USP49: variants seen among roughly 807,000 people sequenced by gnomAD.
USP49 encodes the protein ubiquitin specific peptidase 49.
In USP49, 24 loss-of-function variants were observed where a neutral mutation model predicts 58.6. That is an observed-to-expected ratio of 0.41 (90% CI 0.30 to 0.58). USP49 has a LOEUF of 0.58. USP49 is among the 20% of genes least tolerant of loss of function. USP49 has a pLI of 0.30. For missense variants in USP49, 703 were observed against 866.1 expected (o/e 0.81, Z 2.36); for synonymous variants, 408 against 365.1 (o/e 1.12, Z -1.34).
intron 3 of USP49, among the ~76,000 whole-genome samples, chr6:41,851,847 C>G (rs182971556): frequency 1.3e-4 from 19 of 144,840 alleles, no homozygotes; most frequent in African/African-American, 4.9e-4. Context: ...CCCAGCCACT[C>G]GGGAGGCTGA....
At chr6:41,870,159 T>C (rs1774389494) in intron 3 of USP49, among the ~76,000 whole-genome samples, 1 of 152,222 alleles carries the variant, frequency 6.6e-6, no homozygotes, top group African/African-American at 2.4e-5. Context: ...TAGTTAACAT[T>C]TACTAAACAC....
At chr6:41,891,077 T>C (rs1212525085) in intron 2 of USP49, among the ~76,000 whole-genome samples, 1 of 152,198 alleles carries the variant, frequency 6.6e-6, no homozygotes, top group Non-Finnish European at 1.5e-5. Flanking sequence ...AGAAAGGAAC[T>C]GGATAAAAGG....
intron 3 of USP49, among the ~76,000 whole-genome samples, 196 bp from the exon 4 acceptor site, chr6:41,807,207 G>C (rs937582914): frequency 6.6e-6 from 1 of 152,050 alleles, no homozygotes; most frequent in Non-Finnish European, 1.5e-5. Flanking sequence ...AGAGTTACAG[G>C]ACAGTTAAAT....
Position 41,793,243 on chromosome 6 carries a change from CTT to C in USP49, c.*3288_*3289del, listed in dbSNP as rs945007745. On this transcript the variant is annotated 3_prime_UTR_variant, in exon 8 of 8. Transcript: ENST00000682992. Reference sequence around the variant, plus strand: ...ACATTTTAAGAGACATCTGGAAATTCTTTTTTTTTTTTTGTTTTTGTTTTTGT... The same window carrying C: ...ACATTTTAAGAGACATCTGGAAATTCTTTTTTTTTTTGTTTTTGTTTTTGT... 4 of 151,626 alleles carry C rather than the reference CTT, an allele frequency of 2.6e-5. No individual in the cohort carries two copies. The highest frequency in any genetic ancestry group is 2.9e-5 in the Non-Finnish European group (2 of 69,276). The allele number at this position is 151,626 out of a possible 1,614,324, so 9.4% of individuals were successfully genotyped here.
intron 2 of USP49, among the ~76,000 whole-genome samples, chr6:41,878,836 C>A (rs1774553475): frequency 6.6e-6 from 1 of 152,112 alleles, no homozygotes; most frequent in Non-Finnish European, 1.5e-5. Flanking sequence ...TGGGTATCAG[C>A]AGGATTTTAC....
chr6:41,858,872 T>C (rs960109490), intron 3 of USP49, among the ~76,000 whole-genome samples: 2 of 152,222 alleles, frequency 1.3e-5, no homozygotes, highest in South Asian at 2.1e-4. Flanking sequence ...TTTACTTATG[T>C]ATAGTCATTC....
At chr6:41,873,700 A>G in intron 2 of USP49, among the ~76,000 whole-genome samples, 1 of 152,344 alleles carries the variant, frequency 6.6e-6, no homozygotes, top group South Asian at 2.1e-4. Context: ...TGTAATAATC[A>G]GTCCTACACT....
In USP49 at chr6:41,867,612, A is replaced by G. The variant is rs975217520; in HGVS notation, c.-29+3952T>C. Among the ~76,000 whole-genome samples the G allele has an allele frequency of 5.6e-5, 8 of 143,328 alleles. No homozygotes were observed. In the East Asian group the frequency reaches 1.7e-3, roughly 30 times the overall value. The allele number at this position is 143,328 out of a possible 152,430, so 94.0% of individuals were successfully genotyped here. A position where few individuals can be genotyped will look rare whatever the true frequency, so the allele number is the denominator to read the frequency against. On this transcript the variant is annotated intron_variant, in intron 3 of 7. Transcript: ENST00000682992. ...CAAAAAAAAAAAAAAAAAAGCTAGGAGTGGTGGCGAGCGCCTGTAGTCCTA... is the reference window on the plus strand; with the variant it reads ...CAAAAAAAAAAAAAAAAAAGCTAGGGGTGGTGGCGAGCGCCTGTAGTCCTA...
intron 3 of USP49, among the ~76,000 whole-genome samples, chr6:41,835,236 G>A (rs1428291037): frequency 6.6e-6 from 1 of 152,136 alleles, no homozygotes; most frequent in Non-Finnish European, 1.5e-5. Flanking sequence ...GATGACAAAC[G>A]CACATTTAGC....
chr6:41,798,942 T>C lies in USP49; in HGVS notation c.1671-13A>G, dbSNP rs755593403. 1.1e-5 allele frequency: 18 copies of C among 1,610,554 alleles called. No individual in the cohort carries two copies. Among genetic ancestry groups the C allele is most frequent in the African/African-American group, 1.3e-5 (1 of 74,580 alleles). On this transcript the variant is annotated splice_polypyrimidine_tract_variant and intron_variant, in intron 6 of 7. Coordinates refer to ENST00000682992, the MANE Select transcript of USP49 (RefSeq NM_001286554.2). ...ACGGCCAGACCACCTAGAACATGGA[T>C]ATAAGCTTGTTACTAGTAAAAACTG...
chr6:41,893,741 A>G (rs1002629882), intron 1 of USP49, among the ~76,000 whole-genome samples: 1 of 152,210 alleles, frequency 6.6e-6, no homozygotes, highest in Non-Finnish European at 1.5e-5. Context: ...AATCAAAAGC[A>G]ATGAAGGGTG....
intron 3 of USP49, among the ~76,000 whole-genome samples, chr6:41,829,369 C>T (rs1398964272): frequency 2.6e-5 from 4 of 151,578 alleles, no homozygotes; most frequent in African/African-American, 9.7e-5. Context: ...GGCTGGAGTG[C>T]AATGGCACGA....
intron 3 of USP49, among the ~76,000 whole-genome samples, chr6:41,813,258 T>G (rs1169708894): frequency 6.6e-6 from 1 of 152,180 alleles, no homozygotes; most frequent in Non-Finnish European, 1.5e-5. Flanking sequence ...AATAGCCTCC[T>G]CTTACAACTC....
At chr6:41,876,424 T>C (rs1022374313) in intron 2 of USP49, among the ~76,000 whole-genome samples, 1 of 152,220 alleles carries the variant, frequency 6.6e-6, no homozygotes, top group Non-Finnish European at 1.5e-5. Flanking sequence ...GAACTTTTTT[T>C]TTTTTAAATT....
chr6:41,790,082 A>G lies in USP49; in HGVS notation c.*6451T>C, dbSNP rs1295208219. ...AAAAAAAAAAAAGGAAGCTGTAACC[A>G]TACATTGATGTTAACCTAGCATGAA... On this transcript the variant is annotated 3_prime_UTR_variant, in exon 8 of 8. Coordinates refer to ENST00000682992, the MANE Select transcript of USP49 (RefSeq NM_001286554.2). 7 of 152,186 alleles carry G rather than the reference A, an allele frequency of 4.6e-5. No individual in the cohort carries two copies. The highest frequency in any genetic ancestry group is 1.0e-4 in the Non-Finnish European group (7 of 68,014). 9.4% of individuals were successfully genotyped at this position (152,186 alleles called of 1,614,324 possible). A position where few individuals can be genotyped will look rare whatever the true frequency, so the allele number is the denominator to read the frequency against.
chr6:41,872,728 C>A (rs1774433574), intron 2 of USP49, among the ~76,000 whole-genome samples: 2 of 144,008 alleles, frequency 1.4e-5, no homozygotes, highest in African/African-American at 5.1e-5. Flanking sequence ...GAAACCCCAT[C>A]TCTACTAAAA....
At chr6:41,844,970 G>A (rs867876990) in intron 3 of USP49, among the ~76,000 whole-genome samples, 28 of 151,766 alleles carry the variant, frequency 1.8e-4, no homozygotes, top group African/African-American at 5.6e-4. Flanking sequence ...GCACAATCTC[G>A]GCTCACTGCA....
At chr6:41,862,676 C>T (rs190531235) in intron 3 of USP49, among the ~76,000 whole-genome samples, 17 of 152,288 alleles carry the variant, frequency 1.1e-4, no homozygotes, top group African/African-American at 3.8e-4. Flanking sequence ...ATGTTTACAG[C>T]ACATTCAGAC....
At chr6:41,812,089 T>C (rs1371717205) in intron 3 of USP49, among the ~76,000 whole-genome samples, 2 of 152,056 alleles carry the variant, frequency 1.3e-5, no homozygotes, top group Admixed American at 6.5e-5. Flanking sequence ...TGATTCTTTT[T>C]TTTTTTTCAG....
Sources: gnomAD v4.1 joint callset for allele counts (sites outside exome capture counted in the v4.1 genomes callset) on GRCh38, gnomAD v4.1.1 for gene constraint, MANE v1.5 for transcripts, NCBI Gene and HGNC (gene_info 2026-07-23, HGNC 2026-07-21) for gene names.